Variants in ZNF747 observed in about 807,000 individuals in gnomAD.
ZNF747 encodes the protein KRAB domain-containing protein ZNF747.
A neutral mutation model predicts 13.4 loss-of-function variants in ZNF747; 14 were observed. The observed-to-expected ratio is 1.04, with a 90% CI of 0.69 to 1.63. ZNF747 has a LOEUF of 1.63. ZNF747 is among the 40% of genes most tolerant of loss of function. ZNF747 has a pLI of 0.00. For synonymous variants in ZNF747, 212 were observed against 206.5 expected, an observed-to-expected ratio of 1.03 and a Z score of -0.23; for missense variants, 532 against 477.9, an observed-to-expected ratio of 1.11 and a Z score of -1.05.
rs367796994 is a variant in ZNF747, at chr16:30,534,478, C to T, written c.202G>A (p.Glu68Lys). The T allele has an allele frequency of 6.1e-5, 98 of 1,604,398 alleles. No individual in the cohort carries two copies. The highest frequency in any genetic ancestry group is 6.7e-5 in the Non-Finnish European group (79 of 1,176,016). The change falls in exon 1 of 3, where the codon GAG (glutamate) becomes AAG (lysine). Residue 68 changes from glutamate to lysine, a missense_variant. By Grantham distance (56) the Glu-to-Lys change is moderately conservative. Coordinates refer to ENST00000693075, the MANE Select transcript of ZNF747 (RefSeq NM_001305018.2). ...QRALYRDVMR[E>K]TYGHLGALGV... ...AGCGCGCCCAGGTGGCCGTAGGTCT[C>T]CCGCATCACGTCCCGGTACAGGGCC...
chr16:30,533,155 A>T lies in ZNF747; in HGVS notation c.344-4T>A, dbSNP rs1413589320. 1 of 1,612,188 alleles carries T rather than the reference A, an allele frequency of 6.2e-7. No homozygotes were observed. Among genetic ancestry groups the T allele is most frequent in the East Asian group, 2.2e-5 (1 of 44,878 alleles). On this transcript the variant is annotated splice_region_variant and splice_polypyrimidine_tract_variant and intron_variant, in intron 2 of 2. Coordinates refer to ENST00000693075, the MANE Select transcript of ZNF747 (RefSeq NM_001305018.2). ...TCTTCCTTGTTTCTGGAATCTGCTG[A>T]AAGATAAGGAGGCGAGAGTTCAGGC...
Position 30,532,718 on chromosome 16 carries a change from A to G in ZNF747, c.777T>C (p.Val259=), listed in dbSNP as rs776825886. The G allele has an allele frequency of 9.4e-5, 145 of 1,539,798 alleles. No homozygotes were observed. Among genetic ancestry groups the G allele is most frequent in the Middle Eastern group, 1.7e-4 (1 of 5,736 alleles). Residue 259 remains valine, a synonymous_variant, in exon 3 of 3, where the codon GTT becomes GTC. Transcript: ENST00000693075. ...AGCGGTAGGGCTTCTCGCCAGTGTG[A>G]ACGCGCAGGTGAGAAGTCAGCGCCG... ...RRTALTSHLR[V]HTGEKPYRCP...
At position 30,534,317 on chromosome 16, in the gene ZNF747, G is replaced by A. The variant is rs1228425035; in HGVS notation, c.230-7C>T. On this transcript the variant is annotated splice_polypyrimidine_tract_variant and splice_region_variant and intron_variant, in intron 1 of 2. Coordinates refer to ENST00000693075, the MANE Select transcript of ZNF747 (RefSeq NM_001305018.2). ...GGCTTGCTGCCTCCGACTCCTGGGG[G>A]AGAAGAACGCAAACCCCACGCTGCG... 3 of 1,567,272 alleles carry A rather than the reference G, an allele frequency of 1.9e-6. No homozygotes were observed. In the African/African-American group the frequency reaches 4.1e-5, roughly 21 times the overall value.
Position 30,534,739 on chromosome 16 carries a change from C to G in ZNF747, c.-60G>C, listed in dbSNP as rs1202182158. On this transcript the variant is annotated 5_prime_UTR_variant, in exon 1 of 3. Coordinates refer to ENST00000693075, the MANE Select transcript of ZNF747 (RefSeq NM_001305018.2). ...CGCGCCCGAGAACACTTCCCCGGCCCGGTACCAAGGGAAGGAGGGACGTCA... is the reference window on the plus strand; with the variant it reads ...CGCGCCCGAGAACACTTCCCCGGCCGGGTACCAAGGGAAGGAGGGACGTCA... 10 of 1,462,750 alleles carry G rather than the reference C, an allele frequency of 6.8e-6. No homozygotes were observed. The South Asian group carries it at 8.3e-5, about 12-fold the overall frequency. The allele number at this position is 1,462,750 out of a possible 1,614,324, so 90.6% of individuals were successfully genotyped here.
At position 30,534,613 on chromosome 16, in the gene ZNF747, C is replaced by T. The variant is rs1185318073; in HGVS notation, c.67G>A (p.Asp23Asn). Residue 23 changes from aspartate to asparagine, a missense_variant, in exon 1 of 3, where the codon GAC (aspartate) becomes AAC (asparagine). Physicochemically the swap from Asp to Asn is conservative, Grantham distance 23 (BLOSUM62 1). Transcript: ENST00000693075. Reference sequence around the variant, plus strand: ...CACTCGGATCCCGCCCCGTTTGGGTCCCGGGGAGGGAGCGGGGCCAGAGGC... The same window carrying T: ...CACTCGGATCCCGCCCCGTTTGGGTTCCGGGGAGGGAGCGGGGCCAGAGGC... ...APPLAPLPPR[D>N]PNGAGSEWRK... is the part of the protein sequence containing the mutation. The T allele has an allele frequency of 6.3e-7, 1 of 1,592,342 alleles. No individual in the cohort carries two copies. The highest frequency in any genetic ancestry group is 8.5e-7 in the Non-Finnish European group (1 of 1,172,428).
chr16:30,532,538 G>T lies in ZNF747; in HGVS notation c.957C>A (p.Gly319=), dbSNP rs765097766. 1.9e-6 allele frequency: 3 copies of T among 1,604,968 alleles called. No individual in the cohort carries two copies. In the East Asian group the frequency reaches 6.7e-5, roughly 36 times the overall value. ...PVRGDLDPPV[G]FQLYPEIFQE... ...GGAATATCTCTGGATACAGCTGGAAGCCCACAGGCGGGTCCAGGTCCCCGC... is the reference window on the plus strand; with the variant it reads ...GGAATATCTCTGGATACAGCTGGAATCCCACAGGCGGGTCCAGGTCCCCGC... Residue 319 remains glycine, a synonymous_variant, in exon 3 of 3, where the codon GGC becomes GGA. Transcript: ENST00000693075.
chr16:30,534,793 G>C lies in ZNF747; in HGVS notation c.-114C>G. The C allele has an allele frequency of 1.4e-6, 2 of 1,405,050 alleles. No individual in the cohort carries two copies. The allele number at this position is 1,405,050 out of a possible 1,614,324, so 87.0% of individuals were successfully genotyped here. A position where few individuals can be genotyped will look rare whatever the true frequency, so the allele number is the denominator to read the frequency against. Reference sequence around the variant, plus strand: ...GAGCCCCCGAAGGCCCACTAGAGGGGATGGAAACTAAGGGCCGATGGCTGC... The same window carrying C: ...GAGCCCCCGAAGGCCCACTAGAGGGCATGGAAACTAAGGGCCGATGGCTGC... On this transcript the variant is annotated 5_prime_UTR_variant, in exon 1 of 3. It adds an upstream start codon to the 5' untranslated region. Coordinates refer to ENST00000693075, the MANE Select transcript of ZNF747 (RefSeq NM_001305018.2).
At chr16:30,534,077 C>T (rs2051418053) in intron 2 of ZNF747, 120 bp downstream of exon 2, 4 of 1,379,628 alleles carry the variant, frequency 2.9e-6, no homozygotes, top group East Asian at 5.3e-5. Flanking sequence ...GCCTCCTGGC[C>T]GCAGTTGAGG....
chr16:30,534,166 T>C (rs1405733541), intron 2 of ZNF747, 31 bp downstream of exon 2: 1 of 1,598,216 alleles, frequency 6.3e-7, no homozygotes, highest in Admixed American at 1.7e-5. Flanking sequence ...AACAGAGAAG[T>C]CCCCATGGGA....
Position 30,532,831 on chromosome 16 carries a change from C to T in ZNF747, c.664G>A (p.Ala222Thr), listed in dbSNP as rs1365018223. ...GCCCGGTGTTTGCTCAGGGAGGAAG[C>T]GTGGCCGAAGCCCTTGCCGCAGTCT... ...CADCGKGFGH[A>T]SSLSKHRAIH... is the part of the protein sequence containing the mutation. Residue 222 changes from alanine to threonine, a missense_variant, in exon 3 of 3, where the codon GCT becomes ACT. By Grantham distance (58) the Ala-to-Thr change is moderately conservative. Coordinates refer to ENST00000693075, the MANE Select transcript of ZNF747 (RefSeq NM_001305018.2). The T allele has an allele frequency of 2.5e-6, 4 of 1,578,518 alleles. No individual in the cohort carries two copies. Among genetic ancestry groups the T allele is most frequent in the Non-Finnish European group, 3.4e-6 (4 of 1,164,938 alleles).
Position 30,532,880 on chromosome 16 carries a change from CCT to C in ZNF747, c.613_614del (p.Arg205GlyfsTer91). 2.5e-6 allele frequency: 4 copies of C among 1,595,562 alleles called. No homozygotes were observed. Among genetic ancestry groups the C allele is most frequent in the Admixed American group, 1.7e-5 (1 of 57,516 alleles). ...CTGCGCAGTGGAAGGGCTTCTCGCCCCTGTGGCTGTAAATGTGCTCCACCAGT... is the reference window on the plus strand; with the variant it reads ...CTGCGCAGTGGAAGGGCTTCTCGCCCGTGGCTGTAAATGTGCTCCACCAGT... ...STLVEHIYSH[R>X]GEKPFHCADC... On this transcript the variant is annotated frameshift_variant, in exon 3 of 3. Coordinates refer to ENST00000693075, the MANE Select transcript of ZNF747 (RefSeq NM_001305018.2). LOFTEE classifies it low-confidence loss of function (END_TRUNC).
chr16:30,534,578 G>A lies in ZNF747; in HGVS notation c.102C>T (p.Pro34=), dbSNP rs1215664356. Residue 34 remains proline (P), a synonymous_variant, in exon 1 of 3, where the codon CCC becomes CCT. Transcript: ENST00000693075. ...PNGAGSEWRK[P]GAVSFADVAV... ...CCACGTCGGCGAAGCTCACGGCCCC[G>A]GGCTTTCTCCACTCGGATCCCGCCC... 5.0e-6 allele frequency: 8 copies of A among 1,603,876 alleles called. No individual in the cohort carries two copies. Among genetic ancestry groups the A allele is most frequent in the Non-Finnish European group, 6.8e-6 (8 of 1,176,498 alleles).
chr16:30,531,238 G>C lies in ZNF747; in HGVS notation c.*1261C>G, dbSNP rs1163875841. ...GCTTGGTCAGGAGCTGATGGGATGAGTGGCCGGACCACAGTAAGTTGGGAG... is the reference window on the plus strand; with the variant it reads ...GCTTGGTCAGGAGCTGATGGGATGACTGGCCGGACCACAGTAAGTTGGGAG... On this transcript the variant is annotated 3_prime_UTR_variant, in exon 3 of 3. Transcript: ENST00000693075. 1 of 152,236 alleles carries C rather than the reference G, an allele frequency of 6.6e-6. No individual in the cohort carries two copies. Among genetic ancestry groups the C allele is most frequent in the Non-Finnish European group, 1.5e-5 (1 of 68,046 alleles). 9.4% of individuals were successfully genotyped at this position (152,236 alleles called of 1,614,324 possible).
intron 2 of ZNF747, 134 bp from the exon 3 acceptor site, chr16:30,533,285 G>T: frequency 1.7e-6 from 2 of 1,195,054 alleles, no homozygotes; most frequent in Non-Finnish European, 2.3e-6. Flanking sequence ...CTGTTCCTCG[G>T]CTGCAGAGCC....
rs1170191813 is a variant in ZNF747, at chr16:30,534,219, C to T, written c.321G>A (p.Lys107=). ...CACCTGGGTCCGCTTCTGTCGGACACTTCGCCACCTCCGGATCCTGGGCAG... is the reference window on the plus strand; with the variant it reads ...CACCTGGGTCCGCTTCTGTCGGACATTTCGCCACCTCCGGATCCTGGGCAG... ...DPAAQDPEVA[K]CPTEADPADS... The change falls in exon 2 of 3, where the codon AAG becomes AAA. Residue 107 remains lysine (K), a synonymous_variant. Coordinates refer to ENST00000693075, the MANE Select transcript of ZNF747 (RefSeq NM_001305018.2). The T allele has an allele frequency of 8.7e-6, 14 of 1,609,628 alleles. No individual in the cohort carries two copies. Among genetic ancestry groups the T allele is most frequent in the Non-Finnish European group, 1.1e-5 (13 of 1,178,180 alleles).
chr16:30,532,371 G>T lies in ZNF747; in HGVS notation c.*128C>A. 1 of 1,081,680 alleles carries T rather than the reference G, an allele frequency of 9.2e-7. No homozygotes were observed. The highest frequency in any genetic ancestry group is 1.3e-6 in the Non-Finnish European group (1 of 752,612). 67.0% of individuals were successfully genotyped at this position (1,081,680 alleles called of 1,614,324 possible). The stretch of plus-strand genomic sequence containing the variant: ...AGAGGCTGCTGAGAGCCCAAGATCA[G>T]ACTGTCCGCACCCCAGGCCAGCTCT... On this transcript the variant is annotated 3_prime_UTR_variant, in exon 3 of 3. Coordinates refer to ENST00000693075, the MANE Select transcript of ZNF747 (RefSeq NM_001305018.2).
chr16:30,534,349 C>T (rs1458877427), intron 1 of ZNF747, 39 bp from the exon 2 acceptor site: 2 of 1,556,664 alleles, frequency 1.3e-6, no homozygotes, highest in South Asian at 1.2e-5. Context: ...TGCGAGGAGG[C>T]CGCCTGCCCG....
Position 30,532,704 on chromosome 16 carries a change from T to C in ZNF747, c.791A>G (p.Lys264Arg), listed in dbSNP as rs896671232. 23 of 1,538,998 alleles carry C rather than the reference T, an allele frequency of 1.5e-5. No individual in the cohort carries two copies. The highest frequency in any genetic ancestry group is 1.9e-5 in the Non-Finnish European group (22 of 1,146,814). The change falls in exon 3 of 3, where the codon AAG (lysine) becomes AGG (arginine). Residue 264 changes from lysine to arginine, a missense_variant. Physicochemically the swap from Lys to Arg is conservative, Grantham distance 26. Transcript: ENST00000693075. ...GCCACACTGCGGGCAGCGGTAGGGC[T>C]TCTCGCCAGTGTGAACGCGCAGGTG... is the stretch of plus-strand genomic sequence containing the variant. Reference protein sequence around the residue: ...TSHLRVHTGEKPYRCPQCGRC... With the variant: ...TSHLRVHTGERPYRCPQCGRC...
chr16:30,534,745 C>G lies in ZNF747; in HGVS notation c.-66G>C, dbSNP rs1343133349. 6.9e-7 allele frequency: 1 copy of G among 1,458,340 alleles called. No homozygotes were observed. The highest frequency in any genetic ancestry group is 1.4e-5 in the African/African-American group (1 of 70,478). The allele number at this position is 1,458,340 out of a possible 1,614,324, so 90.3% of individuals were successfully genotyped here. On this transcript the variant is annotated 5_prime_UTR_variant, in exon 1 of 3. Coordinates refer to ENST00000693075, the MANE Select transcript of ZNF747 (RefSeq NM_001305018.2). ...CGAGAACACTTCCCCGGCCCGGTAC[C>G]AAGGGAAGGAGGGACGTCAGTAGAG...
Sources: gnomAD v4.1 joint callset for allele counts on GRCh38, gnomAD v4.1.1 for gene constraint, MANE v1.5 for transcripts, NCBI Gene and HGNC (gene_info 2026-07-23, HGNC 2026-07-21) for gene names.